The following SPEF2 variants were observed in gnomAD, a reference collection of about 807,000 sequenced individuals.
SPEF2 encodes the protein sperm flagella and cilia-associated protein 2.
Under a neutral mutation model 224.6 loss-of-function variants are expected in SPEF2, and 187 were observed. That is an observed-to-expected ratio of 0.83 (90% CI 0.74 to 0.94). The LOEUF (loss-of-function observed/expected upper bound fraction) is 0.94, where lower values mean the gene tolerates loss of function less well. Ranked by LOEUF, SPEF2 falls within the 40% of genes least tolerant of loss-of-function variation. The pLI is 0.00. For synonymous variants in SPEF2, 715 were observed against 707.3 expected, an observed-to-expected ratio of 1.01 and a Z score of -0.17; for missense variants, 2,170 against 2,135.6, an observed-to-expected ratio of 1.02 and a Z score of -0.32.
chr5:35,710,021 AC>A lies in SPEF2; in HGVS notation c.2839+901del, dbSNP rs777014107. 678 of 978,288 alleles carry A rather than the reference AC, an allele frequency of 6.9e-4. 1 individual carries two copies. Among genetic ancestry groups the A allele is most frequent in the Non-Finnish European group, 7.9e-4 (647 of 823,592 alleles). 60.6% of individuals were successfully genotyped at this position (978,288 alleles called of 1,614,324 possible). On this transcript the variant is annotated intron_variant, in intron 19 of 36. Coordinates refer to ENST00000356031, the MANE Select transcript of SPEF2 (RefSeq NM_024867.4). ...TTAAAATTAAACTTATTCATATTAA[AC>A]AAAGACATATGAAGACTTTAGTAAG...
At chr5:35,728,403 A>G (rs1000529792) in intron 21 of SPEF2, among the ~76,000 whole-genome samples, 5 of 152,200 alleles carry the variant, frequency 3.3e-5, no homozygotes, top group African/African-American at 4.8e-5. Context: ...GGCTTGACAG[A>G]TGAATTCTCA....
At chr5:35,749,018 G>T (rs1294706422) in intron 23 of SPEF2, among the ~76,000 whole-genome samples, 1 of 152,066 alleles carries the variant, frequency 6.6e-6, no homozygotes, top group African/African-American at 2.4e-5. Flanking sequence ...GGGATGCAGG[G>T]ATGGTTTAAC....
At chr5:35,637,239 T>C (rs1034694623) in intron 2 of SPEF2, among the ~76,000 whole-genome samples, 1 of 152,164 alleles carries the variant, frequency 6.6e-6, no homozygotes, top group African/African-American at 2.4e-5. Context: ...AAATGCTCCT[T>C]GAGTTGTTAC....
At chr5:35,673,247 G>A (rs2149485808) in intron 10 of SPEF2, among the ~76,000 whole-genome samples, 1 of 152,180 alleles carries the variant, frequency 6.6e-6, no homozygotes, top group East Asian at 1.9e-4. Flanking sequence ...CTGTAGTGCA[G>A]CTGGCAGCAC....
At chr5:35,680,213 G>A (rs903346709) in intron 10 of SPEF2, among the ~76,000 whole-genome samples, 2 of 151,966 alleles carry the variant, frequency 1.3e-5, no homozygotes, top group Admixed American at 6.5e-5. Context: ...GCTTTTTGCT[G>A]ACAACAAAAA....
intron 16 of SPEF2, among the ~76,000 whole-genome samples, chr5:35,701,815 C>CA (rs1332999898): frequency 6.6e-6 from 1 of 151,996 alleles, no homozygotes; most frequent in African/African-American, 2.4e-5. Flanking sequence ...CCTGTCTCTA[C>CA]AAAAAATAAA....
rs1561244769 is a variant in SPEF2 at position 35,712,890 on chromosome 5, C to G, written c.2914+4C>G. 2 of 1,611,842 alleles carry G rather than the reference C, an allele frequency of 1.2e-6. No individual in the cohort carries two copies. The highest frequency in any genetic ancestry group is 2.2e-5 in the South Asian group (2 of 90,810). On this transcript the variant is annotated splice_donor_region_variant and intron_variant, in intron 20 of 36. Coordinates refer to ENST00000356031, the MANE Select transcript of SPEF2 (RefSeq NM_024867.4). ...GAGACCGCACTCAAAAGAAAAGGTACAGCAGATAAAAATATATATAATTAC... is the reference window on the plus strand; with the variant it reads ...GAGACCGCACTCAAAAGAAAAGGTAGAGCAGATAAAAATATATATAATTAC...
intron 18 of SPEF2, among the ~76,000 whole-genome samples, 170 bp downstream of exon 18, chr5:35,705,978 G>A (rs1040507259): frequency 1.2e-5 from 1 of 83,678 alleles, no homozygotes. Flanking sequence ...ATATGTTTCC[G>A]AATAAAAGAT....
intron 10 of SPEF2, among the ~76,000 whole-genome samples, chr5:35,677,424 C>G (rs1230744830): frequency 6.6e-6 from 1 of 152,176 alleles, no homozygotes. Context: ...GGCCCCAGAA[C>G]AGGGAGAAAT....
In SPEF2 at chr5:35,806,690, T is replaced by C. The variant is rs1311544242; in HGVS notation, c.5011-17T>C. 6.3e-7 allele frequency: 1 copy of C among 1,596,866 alleles called. No homozygotes were observed. Among genetic ancestry groups the C allele is most frequent in the Middle Eastern group, 1.7e-4 (1 of 5,964 alleles). On this transcript the variant is annotated splice_polypyrimidine_tract_variant and intron_variant, in intron 34 of 36. Coordinates refer to ENST00000356031, the MANE Select transcript of SPEF2 (RefSeq NM_024867.4). ...AACTTCAGTTTAACTTCATGTTCTC[T>C]TCATTTAACTTTGCAGACCTCCTCA...
intron 10 of SPEF2, among the ~76,000 whole-genome samples, chr5:35,677,079 AGAGGGT>A (rs1236004262): frequency 6.6e-6 from 1 of 152,168 alleles, no homozygotes. Context: ...TCATTATAGA[AGAGGGT>A]ATTCCGTGTG....
At chr5:35,791,138 A>G (rs1313902216) in intron 30 of SPEF2, 1 of 152,238 alleles carries the variant, frequency 6.6e-6, no homozygotes, top group Non-Finnish European at 1.5e-5. Context: ...AAAAACCCAC[A>G]TAGGATCTTA....
At chr5:35,691,681 T>A (rs1754503768) in intron 11 of SPEF2, among the ~76,000 whole-genome samples, 1 of 152,242 alleles carries the variant, frequency 6.6e-6, no homozygotes, top group African/African-American at 2.4e-5. Context: ...ATAATGGTGA[T>A]GGTTGCACAC....
rs763991916 is a variant in SPEF2, at chr5:35,779,325, T to C, written c.4426T>C (p.Phe1476Leu). 6.2e-7 allele frequency: 1 copy of C among 1,606,136 alleles called. No individual in the cohort carries two copies. The highest frequency in any genetic ancestry group is 1.1e-5 in the South Asian group (1 of 88,620). ...IEQLDSLRDQ[F>L]LDMAPKGIIG... ...ACAGCTTGACAGTCTTCGAGATCAG[T>C]TCTTAGATATGGCACCTAAAGGTAG... The change falls in exon 30 of 37, where the codon TTC (phenylalanine) becomes CTC (leucine). Residue 1476 changes from phenylalanine to leucine, a missense_variant. Coordinates refer to ENST00000356031, the MANE Select transcript of SPEF2 (RefSeq NM_024867.4).
rs535325132 is a variant in SPEF2 at position 35,763,403 on chromosome 5, G to A, written c.3621-119G>A. 1.1e-4 allele frequency: 105 copies of A among 931,074 alleles called. 1 individual carries two copies. In the South Asian group the frequency reaches 1.9e-3, roughly 17 times the overall value. The allele number at this position is 931,074 out of a possible 1,614,324, so 57.7% of individuals were successfully genotyped here. ...TTCTCCATTAAAATAATTCTTTCAG[G>A]AAAACTTTGAAAATTGAGATTAAAC... On this transcript the variant is annotated intron_variant, in intron 25 of 36. Coordinates refer to ENST00000356031, the MANE Select transcript of SPEF2 (RefSeq NM_024867.4).
chr5:35,753,381 G>A (rs937939298), intron 23 of SPEF2, among the ~76,000 whole-genome samples: 1 of 152,062 alleles, frequency 6.6e-6, no homozygotes, highest in African/African-American at 2.4e-5. Flanking sequence ...AAAGTAAAAT[G>A]TAGTGGGTTT....
intron 20 of SPEF2, among the ~76,000 whole-genome samples, chr5:35,715,033 A>G (rs1490964431): frequency 6.6e-6 from 1 of 151,896 alleles, no homozygotes; most frequent in African/African-American, 2.4e-5. Context: ...CTCCCACCCT[A>G]GCCTCCCGAG....
chr5:35,789,292 C>A, intron 30 of SPEF2: 1 of 703,178 alleles, frequency 1.4e-6, no homozygotes, highest in Non-Finnish European at 2.6e-6. Context: ...TGTCCTGTGT[C>A]AATAAGAATA....
chr5:35,693,864 A>G (rs766640571), intron 12 of SPEF2, among the ~76,000 whole-genome samples: 4 of 152,214 alleles, frequency 2.6e-5, no homozygotes, highest in Non-Finnish European at 4.4e-5. Context: ...ATGTTGTAAT[A>G]TCTTTATATT....
Sources: allele counts gnomAD v4.1 joint callset (sites outside exome capture counted in the v4.1 genomes callset), GRCh38; gene constraint gnomAD v4.1.1; transcripts MANE v1.5; gene names NCBI Gene and HGNC (gene_info 2026-07-23, HGNC 2026-07-21).